Variants in TERF2 observed in about 807,000 individuals in gnomAD.
TERF2 encodes telomeric repeat binding factor 2, also known as telomeric repeat-binding factor 2.
Under a neutral mutation model 56.1 loss-of-function variants are expected in TERF2, and 16 were observed. The observed-to-expected ratio is 0.29, with a 90% CI of 0.19 to 0.43. The LOEUF (loss-of-function observed/expected upper bound fraction) is 0.43. Among genes scored for constraint, TERF2 ranks in the 20% least tolerant of loss-of-function variants. TERF2 has a pLI of 1.00. For synonymous variants in TERF2, 296 were observed against 282.1 expected (o/e 1.05, Z -0.50); for missense variants, 547 against 712.9 (o/e 0.77, Z 2.65).
chr16:69,381,594 C>T (rs1036174514), intron 3 of TERF2, among the ~76,000 whole-genome samples: 1 of 152,094 alleles, frequency 6.6e-6, no homozygotes, highest in Non-Finnish European at 1.5e-5. Flanking sequence ...GATCCTTCTG[C>T]CTCAGCCTCC....
chr16:69,374,886 A>G (rs1378950512), intron 3 of TERF2, among the ~76,000 whole-genome samples: 2 of 147,716 alleles, frequency 1.4e-5, no homozygotes, highest in African/African-American at 5.0e-5. Flanking sequence ...AATTGCTTGA[A>G]CCTGACAGGC....
intron 3 of TERF2, among the ~76,000 whole-genome samples, chr16:69,373,219 T>C (rs917067927): frequency 6.6e-6 from 1 of 152,024 alleles, no homozygotes; most frequent in Non-Finnish European, 1.5e-5. Context: ...AGGGAACTAC[T>C]GAAGCCAACA....
intron 3 of TERF2, among the ~76,000 whole-genome samples, chr16:69,379,556 C>A (rs938196151): frequency 6.6e-6 from 1 of 152,184 alleles, no homozygotes; most frequent in African/African-American, 2.4e-5. Context: ...AGAAGCAGGT[C>A]TCAAATTTTT....
rs774193939 is a variant in TERF2, at chr16:69,368,545, T to C, written c.841-63A>G. ...CAGAATTGCATTAATTCTCTGCTTCTTTCACCAAGAATATACTCAATATGC... is the reference window on the plus strand; with the variant it reads ...CAGAATTGCATTAATTCTCTGCTTCCTTCACCAAGAATATACTCAATATGC... On this transcript the variant is annotated intron_variant, in intron 5 of 9. Transcript: ENST00000254942. The C allele has an allele frequency of 1.3e-5, 21 of 1,597,946 alleles. No individual in the cohort carries two copies. In the South Asian group the frequency reaches 1.6e-4, roughly 12 times the overall value.
At chr16:69,370,031 T>C (rs370967293) in intron 5 of TERF2, among the ~76,000 whole-genome samples, 13 of 152,276 alleles carry the variant, frequency 8.5e-5, no homozygotes, top group African/African-American at 3.1e-4. Flanking sequence ...TTTTGTATTA[T>C]TTATTTATTT....
chr16:69,385,914 G>T lies in TERF2; in HGVS notation c.58C>A (p.Pro20Thr). Residue 20 changes from proline to threonine, a missense_variant, in exon 1 of 10, where the codon CCA becomes ACA. This residue lies in a region of TERF2 where 85 missense variants were observed against 59.5 expected (regional missense o/e 1.43). Transcript: ENST00000254942. ...PASGPGVVRD[P>T]AASQPRKRPG... Reference sequence around the variant, plus strand: ...CGCTTCCTCGGCTGTGACGCCGCTGGGTCACGCACGACGCCCGGGCCGGAA... The same window carrying T: ...CGCTTCCTCGGCTGTGACGCCGCTGTGTCACGCACGACGCCCGGGCCGGAA... 7.2e-7 allele frequency: 1 copy of T among 1,389,798 alleles called. No individual in the cohort carries two copies. Among genetic ancestry groups the T allele is most frequent in the Non-Finnish European group, 9.3e-7 (1 of 1,071,086 alleles). 86.1% of individuals were successfully genotyped at this position (1,389,798 alleles called of 1,614,324 possible). A position where few individuals can be genotyped will look rare whatever the true frequency, so the allele number is the denominator to read the frequency against.
chr16:69,361,270 T>C (rs184895138), intron 8 of TERF2, 134 bp downstream of exon 8: 7 of 681,844 alleles, frequency 1.0e-5, no homozygotes, highest in East Asian at 5.1e-5. Context: ...CTTCATGAAT[T>C]AAAATGAGAT....
At chr16:69,378,397 G>A (rs541058496) in intron 3 of TERF2, among the ~76,000 whole-genome samples, 82 of 152,294 alleles carry the variant, frequency 5.4e-4, no homozygotes, top group Non-Finnish European at 1.8e-4. Flanking sequence ...TGTTGCCACC[G>A]TCATTGCTAG....
chr16:69,360,788 C>T (rs561345783), intron 8 of TERF2, among the ~76,000 whole-genome samples: 53 of 150,470 alleles, frequency 3.5e-4, no homozygotes, highest in African/African-American at 1.2e-3. Flanking sequence ...CAGGGAATGA[C>T]CCCCTACTAC....
At chr16:69,374,744 G>A (rs139092437) in intron 3 of TERF2, among the ~76,000 whole-genome samples, 14 of 146,022 alleles carry the variant, frequency 9.6e-5, no homozygotes, top group Admixed American at 2.1e-4. Context: ...GAGGTGGGCA[G>A]ATCATGAGGT....
chr16:69,365,840 TG>T (rs1597245528), intron 7 of TERF2: 1 of 152,324 alleles, frequency 6.6e-6, no homozygotes, highest in East Asian at 1.9e-4. Context: ...GAAGGAGAAT[TG>T]TAAGAGAGGC....
chr16:69,359,490 T>C (rs2142704699), intron 8 of TERF2, among the ~76,000 whole-genome samples: 1 of 146,934 alleles, frequency 6.8e-6, no homozygotes, highest in East Asian at 2.0e-4. Flanking sequence ...ATCGCGCCAC[T>C]GCACCCCAGC....
chr16:69,371,509 A>G (rs2013574624), intron 4 of TERF2, among the ~76,000 whole-genome samples: 1 of 150,656 alleles, frequency 6.6e-6, no homozygotes, highest in Non-Finnish European at 1.5e-5. Context: ...TCAAAAAAAA[A>G]AAAAAAAAAA....
chr16:69,361,374 A>G (rs767970325), intron 8 of TERF2, 30 bp downstream of exon 8: 1 of 1,509,424 alleles, frequency 6.6e-7, no homozygotes, highest in Admixed American at 1.7e-5. Flanking sequence ...GCAAGCATCA[A>G]GAAGAGGCCA....
chr16:69,364,560 C>A (rs2013268614), intron 7 of TERF2, among the ~76,000 whole-genome samples: 1 of 151,804 alleles, frequency 6.6e-6, no homozygotes, highest in Admixed American at 6.6e-5. Context: ...ACTCTCCTAC[C>A]TTCACTCTTT....
intron 7 of TERF2, among the ~76,000 whole-genome samples, chr16:69,363,425 T>C (rs189688966): frequency 1.3e-5 from 2 of 152,292 alleles, no homozygotes; most frequent in Non-Finnish European, 2.9e-5. Context: ...AGGTGATGTG[T>C]TCACTGCCTC....
At position 69,356,346 on chromosome 16, in the gene TERF2, G is replaced by A. The variant is rs1413256615; in HGVS notation, c.*552C>T. ...AGAAGGGAAACGCTAATGATATTCT[G>A]GCACTGCACAAGCTGTGTGCCTGTC... On this transcript the variant is annotated 3_prime_UTR_variant, in exon 10 of 10. Coordinates refer to ENST00000254942, the MANE Select transcript of TERF2 (RefSeq NM_005652.5). The A allele has an allele frequency of 2.7e-6, 1 of 368,850 alleles. No homozygotes were observed. The highest frequency in any genetic ancestry group is 5.3e-6 in the Non-Finnish European group (1 of 188,270). The allele number at this position is 368,850 out of a possible 1,614,324, so 22.8% of individuals were successfully genotyped here.
chr16:69,384,820 G>T, intron 2 of TERF2, 110 bp from the exon 3 acceptor site: 1 of 1,020,198 alleles, frequency 9.8e-7, no homozygotes, highest in Non-Finnish European at 1.3e-6. Flanking sequence ...AATATGGTAA[G>T]ATTTGCATTT....
At chr16:69,383,350 G>A (rs961006126) in intron 3 of TERF2, among the ~76,000 whole-genome samples, 3 of 152,148 alleles carry the variant, frequency 2.0e-5, no homozygotes, top group African/African-American at 7.2e-5. Flanking sequence ...AATCCAAAAT[G>A]CTTCTGTTCC....
Sources: gnomAD v4.1 joint callset for allele counts (sites outside exome capture counted in the v4.1 genomes callset) on GRCh38, gnomAD v4.1.1 for gene constraint, gnomAD v4.1.1 regional missense constraint, MANE v1.5 for transcripts, NCBI Gene and HGNC (gene_info 2026-07-23, HGNC 2026-07-21) for gene names.